Variants in AGL observed in about 807,000 individuals in gnomAD.
The protein encoded by AGL is amylo-alpha-1,6-glucosidase and 4-alpha-glucanotransferase.
In AGL, 128 loss-of-function variants were observed where a neutral mutation model predicts 199.3. The ratio of observed to expected loss-of-function variants is 0.64; its 90% confidence interval spans 0.56 to 0.74. AGL has a LOEUF of 0.74. AGL is among the 30% of genes least tolerant of loss of function. The pLI is 0.00. For synonymous variants in AGL, 584 were observed against 594.7 expected, an observed-to-expected ratio of 0.98 and a Z score of 0.26; for missense variants, 1,809 against 1,820.8, an observed-to-expected ratio of 0.99 and a Z score of 0.12.
Position 99,851,029 on chromosome 1 carries a change from C to T in AGL, c.-14C>T, listed in dbSNP as rs1648902319. 6.2e-7 allele frequency: 1 copy of T among 1,609,680 alleles called. No homozygotes were observed. Among genetic ancestry groups the T allele is most frequent in the Non-Finnish European group, 8.5e-7 (1 of 1,176,030 alleles). On this transcript the variant is annotated 5_prime_UTR_variant, in exon 2 of 34. Coordinates refer to ENST00000361915, the MANE Select transcript of AGL (RefSeq NM_000642.3). ...TAATTCTTATGAAAGATTTCAAATCCTCTAGAAGCCAAAATGGGACACAGT... is the reference window on the plus strand; with the variant it reads ...TAATTCTTATGAAAGATTTCAAATCTTCTAGAAGCCAAAATGGGACACAGT...
intron 28 of AGL, among the ~76,000 whole-genome samples, chr1:99,912,066 T>C (rs1570507576): frequency 6.6e-6 from 1 of 152,314 alleles, no homozygotes; most frequent in East Asian, 1.9e-4. Context: ...CCTCACTTTC[T>C]CCAGCCCTAT....
chr1:99,892,561 TGA>T lies in AGL; in HGVS notation c.3216_3217del (p.Glu1072AspfsTer36), dbSNP rs771069887. 13 of 1,613,644 alleles carry T rather than the reference TGA, an allele frequency of 8.1e-6. No individual in the cohort carries two copies. The Admixed American group carries it at 1.7e-4, about 21-fold the overall frequency. On this transcript the variant is annotated frameshift_variant, in exon 24 of 34. Coordinates refer to ENST00000361915, the MANE Select transcript of AGL (RefSeq NM_000642.3). LOFTEE classifies it high-confidence loss of function. The part of the protein sequence containing the change: ...ALMDVPYRLN[E>X]ITKEKEQCCV... ...TAATGGATGTACCTTATAGGTTAAATGAGATCACAAAAGAAAAGGAGCAATGT... is the reference window on the plus strand; with the variant it reads ...TAATGGATGTACCTTATAGGTTAAATGATCACAAAAGAAAAGGAGCAATGT...
chr1:99,875,019 T>G, intron 8 of AGL, 135 bp from the exon 9 acceptor site: 1 of 1,032,862 alleles, frequency 9.7e-7, no homozygotes, highest in Non-Finnish European at 1.4e-6. Context: ...TTTTTACAAT[T>G]GGAAAACATC....
At chr1:99,855,787 C>T (rs1165338388) in intron 2 of AGL, among the ~76,000 whole-genome samples, 1 of 150,826 alleles carries the variant, frequency 6.6e-6, no homozygotes, top group Non-Finnish European at 1.5e-5. Flanking sequence ...GGCAACAGAG[C>T]GAGACTCGGT....
chr1:99,862,522 C>G, intron 4 of AGL, 99 bp downstream of exon 4: 1 of 1,313,520 alleles, frequency 7.6e-7, no homozygotes, highest in Non-Finnish European at 1.1e-6. Flanking sequence ...TCCATTCTCT[C>G]ATTGCAGTAA....
At chr1:99,867,437 TTCTC>T (rs1346403232) in intron 5 of AGL, among the ~76,000 whole-genome samples, 6 of 152,122 alleles carry the variant, frequency 3.9e-5, no homozygotes, top group African/African-American at 1.4e-4. Context: ...GAGGGAGACA[TTCTC>T]TCCTCCCAAC....
At chr1:99,908,535 TTTC>T (rs1654498348) in intron 27 of AGL, among the ~76,000 whole-genome samples, 2 of 152,234 alleles carry the variant, frequency 1.3e-5, no homozygotes, top group Non-Finnish European at 2.9e-5. Context: ...GAATTTTCTA[TTTC>T]TACAAAGCAT....
intron 4 of AGL, among the ~76,000 whole-genome samples, chr1:99,862,663 G>C (rs927171555): frequency 6.6e-6 from 1 of 152,140 alleles, no homozygotes; most frequent in African/African-American, 2.4e-5. Context: ...GGGGAAGCAG[G>C]CATGTCTTAC....
At position 99,881,603 on chromosome 1, in the gene AGL, T is replaced by A. The variant is rs767062664; in HGVS notation, c.2220T>A (p.His740Gln). 36 of 1,613,964 alleles carry A rather than the reference T, an allele frequency of 2.2e-5. No individual in the cohort carries two copies. Among genetic ancestry groups the A allele is most frequent in the Non-Finnish European group, 3.1e-5 (36 of 1,179,988 alleles). Residue 740 changes from histidine to glutamine, a missense_variant, in exon 17 of 34, where the codon CAT becomes CAA. Coordinates refer to ENST00000361915, the MANE Select transcript of AGL (RefSeq NM_000642.3). The stretch of plus-strand genomic sequence containing the variant: ...TAACAAGACACTCACCTAGCATCCA[T>A]CAGTCTGTTGTGGCTGTATCTAGAA... ...VAVTRHSPSI[H>Q]QSVVAVSRTA... is the part of the protein sequence containing the mutation.
chr1:99,903,029 C>T (rs571651766), intron 27 of AGL, among the ~76,000 whole-genome samples: 34 of 152,112 alleles, frequency 2.2e-4, no homozygotes, highest in Non-Finnish European at 4.3e-4. Context: ...CTATAATAAT[C>T]GCCATGAACT....
In AGL at chr1:99,876,570, G is replaced by T. The variant is rs1651553575; in HGVS notation, c.1396G>T (p.Asp466Tyr). 1.2e-6 allele frequency: 2 copies of T among 1,613,894 alleles called. No individual in the cohort carries two copies. The stretch of plus-strand genomic sequence containing the variant: ...ACACAATGGATGGGTAATGGGAGAT[G>T]ATCCTCTTCGAAACTTTGCTGAACC... Reference protein sequence around the residue: ...MAHNGWVMGDDPLRNFAEPGS... With the variant: ...MAHNGWVMGDYPLRNFAEPGS... Residue 466 changes from aspartate to tyrosine, a missense_variant, in exon 11 of 34, where the codon GAT becomes TAT. By Grantham distance (160) the Asp-to-Tyr change is radical (BLOSUM62 -3). Coordinates refer to ENST00000361915, the MANE Select transcript of AGL (RefSeq NM_000642.3).
chr1:99,891,531 A>G (rs1215593263), intron 22 of AGL, 75 bp from the exon 23 acceptor site: 9 of 1,563,398 alleles, frequency 5.8e-6, no homozygotes, highest in South Asian at 1.1e-5. Context: ...AAAGTTGCAC[A>G]TTTAGATTTA....
intron 7 of AGL, among the ~76,000 whole-genome samples, chr1:99,871,343 G>C (rs937104025): frequency 6.6e-6 from 1 of 151,386 alleles, no homozygotes; most frequent in African/African-American, 2.4e-5. Flanking sequence ...GCCAGATATT[G>C]ACGAGATAAC....
chr1:99,902,894 T>TATA, intron 27 of AGL, 100 bp downstream of exon 27: 1 of 886,542 alleles, frequency 1.1e-6, no homozygotes, highest in Non-Finnish European at 1.8e-6. Flanking sequence ...AACCTCACGA[T>TATA]ATAATGATTA....
chr1:99,912,658 T>A lies in AGL; in HGVS notation c.3949+141T>A. The A allele has an allele frequency of 5.7e-6, 4 of 701,224 alleles. No homozygotes were observed. In the South Asian group the frequency reaches 7.5e-5, roughly 13 times the overall value. The allele number at this position is 701,224 out of a possible 1,614,324, so 43.4% of individuals were successfully genotyped here. A position where few individuals can be genotyped will look rare whatever the true frequency, so the allele number is the denominator to read the frequency against. On this transcript the variant is annotated intron_variant, in intron 29 of 33. Transcript: ENST00000361915. ...GAAAGAAAATTCATTAATTTACTAG[T>A]GTGAAAATTGTAACAATTCTAGTTG...
At chr1:99,889,217 C>T (rs1297890426) in intron 21 of AGL, among the ~76,000 whole-genome samples, 3 of 152,196 alleles carry the variant, frequency 2.0e-5, no homozygotes, top group Non-Finnish European at 2.9e-5. Context: ...TAAAACCACA[C>T]TAAGTAGGCT....
intron 10 of AGL, among the ~76,000 whole-genome samples, chr1:99,875,742 T>C (rs1651467361): frequency 6.6e-6 from 1 of 152,220 alleles, no homozygotes; most frequent in Non-Finnish European, 1.5e-5. Flanking sequence ...TAAGCAAGCA[T>C]CTGGCTCCTT....
At chr1:99,915,162 GAC>G (rs1318343300) in intron 30 of AGL, among the ~76,000 whole-genome samples, 1 of 152,152 alleles carries the variant, frequency 6.6e-6, no homozygotes, top group Non-Finnish European at 1.5e-5. Flanking sequence ...TTCTTGAGGT[GAC>G]ACAGAGAAAT....
At position 99,916,397 on chromosome 1, in the gene AGL, A is replaced by C; in HGVS notation, c.4260-13A>C. On this transcript the variant is annotated splice_polypyrimidine_tract_variant and intron_variant, in intron 31 of 33. Coordinates refer to ENST00000361915, the MANE Select transcript of AGL (RefSeq NM_000642.3). ...TCATCTTTTATTTAACTTAAATTTC[A>C]ATCATTTTGCAGTGATATGGTTTAC... is the stretch of plus-strand genomic sequence containing the variant. 1 of 1,579,474 alleles carries C rather than the reference A, an allele frequency of 6.3e-7. No homozygotes were observed. The highest frequency in any genetic ancestry group is 8.7e-7 in the Non-Finnish European group (1 of 1,152,812).
Sources: allele counts gnomAD v4.1 joint callset (sites outside exome capture counted in the v4.1 genomes callset), GRCh38; gene constraint gnomAD v4.1.1; transcripts MANE v1.5; gene names NCBI Gene and HGNC (gene_info 2026-07-23, HGNC 2026-07-21).